RUNX1T1: variants seen among roughly 807,000 people sequenced by gnomAD.
RUNX1T1 encodes the protein protein CBFA2T1.
In RUNX1T1, 4 loss-of-function variants were observed where a neutral mutation model predicts 62.8. That is an observed-to-expected ratio of 0.06 (90% confidence interval 0.03 to 0.15). The LOEUF is 0.15. Ranked by LOEUF, RUNX1T1 falls within the 10% of genes least tolerant of loss-of-function variation. The pLI, the probability that RUNX1T1 is intolerant of heterozygous loss-of-function variation, is 1.00. For synonymous variants in RUNX1T1, 291 were observed against 286.0 expected (o/e 1.02, Z -0.18); for missense variants, 508 against 754.3 (o/e 0.67, Z 3.82).
exon 8 of RUNX1T1, chr8:91,986,304 T>C (rs1382222949): frequency 6.2e-7 from 1 of 1,613,512 alleles, no homozygotes; most frequent in Non-Finnish European, 8.5e-7. Flanking sequence ...TTTTCTACCA[T>C]GTCCATTATG....
chr8:92,000,178 G>C (rs1007555754), intron 5 of RUNX1T1, among the ~76,000 whole-genome samples: 3 of 151,944 alleles, frequency 2.0e-5, no homozygotes, highest in African/African-American at 7.3e-5. Context: ...ATGGTGGCAG[G>C]CATCTGATAC....
chr8:92,061,861 C>T (rs1832089118), intron 1 of RUNX1T1, among the ~76,000 whole-genome samples: 3 of 152,126 alleles, frequency 2.0e-5, no homozygotes, highest in Admixed American at 6.5e-5. Flanking sequence ...ACCCTTTCCC[C>T]GGCCAGCCTT....
intron 8 of RUNX1T1, chr8:91,979,935 T>C (rs1399092701): frequency 1.9e-6 from 1 of 514,290 alleles, no homozygotes; most frequent in Non-Finnish European, 3.8e-6. Flanking sequence ...CTTCATCCTG[T>C]AGTGGGCAGA....
downstream of RUNX1T1, chr8:91,957,216 A>T (rs1392405483): frequency 1.8e-5 from 4 of 219,558 alleles, no homozygotes; most frequent in Non-Finnish European, 3.7e-5. Context: ...GGAAAGTAAC[A>T]AAAGTTTTCT....
exon 1 of RUNX1T1, chr8:92,062,931 G>C: frequency 7.8e-7 from 1 of 1,285,326 alleles, no homozygotes; most frequent in Non-Finnish European, 9.9e-7. Context: ...GTGAAATTCA[G>C]AATGATAAGC....
At chr8:91,975,538 CT>C (rs1431932523) in intron 9 of RUNX1T1, among the ~76,000 whole-genome samples, 1 of 138,232 alleles carries the variant, frequency 7.2e-6, no homozygotes, top group Admixed American at 7.3e-5. Context: ...AATTTAATTT[CT>C]AAGACACTGG....
At chr8:92,052,463 C>T (rs1237758923) in intron 1 of RUNX1T1, among the ~76,000 whole-genome samples, 1 of 151,970 alleles carries the variant, frequency 6.6e-6, no homozygotes, top group Non-Finnish European at 1.5e-5. Context: ...AAAAATACAT[C>T]ATTTAAAATA....
exon 5 of RUNX1T1, chr8:92,005,233 G>A: frequency 1.2e-6 from 2 of 1,614,024 alleles, no homozygotes; most frequent in Non-Finnish European, 1.7e-6. Context: ...GAGGTACTGG[G>A]CAGGGTTCTG....
At chr8:92,098,553 T>C (rs1436281669) in intron 1 of RUNX1T1, among the ~76,000 whole-genome samples, 1 of 152,216 alleles carries the variant, frequency 6.6e-6, no homozygotes, top group Non-Finnish European at 1.5e-5. Context: ...AAACAAAGGC[T>C]AACATCCATG....
At chr8:92,088,469 A>T (rs1357798416) in intron 1 of RUNX1T1, among the ~76,000 whole-genome samples, 1 of 152,246 alleles carries the variant, frequency 6.6e-6, no homozygotes, top group Non-Finnish European at 1.5e-5. Context: ...GCTTATAACC[A>T]GTGGGGATAA....
chr8:92,095,173 T>C (rs2130933802), intron 1 of RUNX1T1: 1 of 1,535,294 alleles, frequency 6.5e-7, no homozygotes, highest in Admixed American at 2.0e-5. Flanking sequence ...CTCCGCCAGC[T>C]AAGAGGAGCG....
intron 4 of RUNX1T1, chr8:92,005,565 T>G (rs980157996): frequency 3.1e-5 from 13 of 424,990 alleles, no homozygotes; most frequent in African/African-American, 2.7e-4. Context: ...GGCACATTAT[T>G]TTTAGGGTCC....
chr8:92,028,085 G>A (rs932911279), intron 1 of RUNX1T1, among the ~76,000 whole-genome samples: 2 of 94,890 alleles, frequency 2.1e-5, no homozygotes, highest in Admixed American at 1.3e-4. Flanking sequence ...ATGGGGGGGG[G>A]GGTGGGAAGG....
intron 3 of RUNX1T1, 42 bp from the exon 5 acceptor site, chr8:92,011,133 G>C (rs1676341997): frequency 9.2e-7 from 1 of 1,090,756 alleles, no homozygotes; most frequent in African/African-American, 1.6e-5. Context: ...TAGCCTGTTG[G>C]TAAATAGTAA....
chr8:91,959,468 ATATGTGCGTGTGTGTGTGTG>A lies in RUNX1T1; in HGVS notation c.*754_*773del, dbSNP rs1563591287. ...TGTGTGTGTGTGTGTGTGTGTGTGTATATGTGCGTGTGTGTGTGTGTATATATATATATATATATATATAT... is the reference window on the plus strand; with the variant it reads ...TGTGTGTGTGTGTGTGTGTGTGTGTATATATATATATATATATATATATAT... On this transcript the variant is annotated 3_prime_UTR_variant, in exon 11 of 11. Coordinates refer to ENST00000396218, the Ensembl canonical transcript of RUNX1T1. 9.1e-4 allele frequency: 29 copies of A among 31,832 alleles called. 1 individual carries two copies. Among genetic ancestry groups the A allele is most frequent in the East Asian group, 4.0e-3 (3 of 746 alleles). The allele number at this position is 31,832 out of a possible 1,614,324, so 2.0% of individuals were successfully genotyped here. A position where few individuals can be genotyped will look rare whatever the true frequency, so the allele number is the denominator to read the frequency against.
At chr8:91,990,970 C>G (rs943761286) in intron 6 of RUNX1T1, among the ~76,000 whole-genome samples, 2 of 152,150 alleles carry the variant, frequency 1.3e-5, no homozygotes, top group Admixed American at 6.5e-5. Context: ...AAATGCTTTA[C>G]TTCTAATAGT....
intron 5 of RUNX1T1, among the ~76,000 whole-genome samples, chr8:92,000,281 C>T (rs1343182301): frequency 6.6e-6 from 1 of 151,898 alleles, no homozygotes; most frequent in Non-Finnish European, 1.5e-5. Context: ...GCCTGGGCAA[C>T]AAGGGTGAAA....
At chr8:92,004,990 CA>C (rs1820464903) in intron 5 of RUNX1T1, 125 bp downstream of exon 6, 5 of 795,436 alleles carry the variant, frequency 6.3e-6, no homozygotes, top group Non-Finnish European at 9.7e-6. Context: ...AAGATGGCCA[CA>C]ATGGCTTATT....
chr8:92,007,242 T>A lies in RUNX1T1; in HGVS notation c.478-1945A>T, dbSNP rs1214738739. ...GCACTTCCAGAGGCTGAGGTGGGTG[T>A]ATCACTTGAGGTCAGGAGTTCAAGA... On this transcript the variant is annotated intron_variant, in intron 4 of 10. Coordinates refer to ENST00000396218, the Ensembl canonical transcript of RUNX1T1. Among the ~76,000 whole-genome samples the A allele has an allele frequency of 2.0e-5, 3 of 152,028 alleles. No individual in the cohort carries two copies. In the South Asian group the frequency reaches 6.2e-4, roughly 32 times the overall value.
Sources: allele counts gnomAD v4.1 joint callset (sites outside exome capture counted in the v4.1 genomes callset), GRCh38; gene constraint gnomAD v4.1.1; transcripts MANE v1.5; gene names NCBI Gene and HGNC (gene_info 2026-07-23, HGNC 2026-07-21).